Variants in ANKRD30B observed in about 807,000 individuals in gnomAD.
The protein encoded by ANKRD30B is ankyrin repeat domain-containing protein 30B.
Under a neutral mutation model 202.2 loss-of-function variants are expected in ANKRD30B, and 144 were observed. The ratio of observed to expected loss-of-function variants is 0.71; its 90% confidence interval spans 0.62 to 0.82. The LOEUF (loss-of-function observed/expected upper bound fraction) is 0.82. Ranked by LOEUF, ANKRD30B falls within the 40% of genes least tolerant of loss-of-function variation. The probability of loss-of-function intolerance (pLI) is 0.00; values close to 1 mark genes in which losing one functional copy is unlikely to be tolerated. For synonymous variants in ANKRD30B, 508 were observed against 561.3 expected (o/e 0.91, Z 1.34); for missense variants, 1,487 against 1,669.1 (o/e 0.89, Z 1.90).
At chr18:14,933,468 G>A in the ANKRD30B span, among the ~76,000 whole-genome samples, 1 of 152,116 alleles carries the variant, frequency 6.6e-6, no homozygotes, top group Non-Finnish European at 1.5e-5. Flanking sequence ...AGGAAATTGG[G>A]GCCAGGTGGG....
the ANKRD30B span, among the ~76,000 whole-genome samples, chr18:14,869,315 A>C: frequency 6.6e-6 from 1 of 151,666 alleles, no homozygotes; most frequent in East Asian, 2.0e-4. Context: ...ACCTTCCAGC[A>C]TTCTCCTTTC....
chr18:14,939,069 A>G, the ANKRD30B span, among the ~76,000 whole-genome samples: 1 of 152,220 alleles, frequency 6.6e-6, no homozygotes, highest in Non-Finnish European at 1.5e-5. Flanking sequence ...TTTTGAATCC[A>G]TCTTACTCAT....
the ANKRD30B span, among the ~76,000 whole-genome samples, chr18:14,919,801 A>C: frequency 5.3e-5 from 8 of 152,226 alleles, no homozygotes; most frequent in African/African-American, 1.9e-4. Context: ...CTGTATGAAG[A>C]GTGCCACATA....
At chr18:14,933,409 C>A in the ANKRD30B span, among the ~76,000 whole-genome samples, 2 of 152,092 alleles carry the variant, frequency 1.3e-5, no homozygotes, top group African/African-American at 2.4e-5. Context: ...GGGGTGGGTG[C>A]CTTGGGTTCT....
intron 23 of ANKRD30B, 119 bp from the exon 24 acceptor site, chr18:14,803,615 C>T (rs770449624): frequency 6.6e-5 from 85 of 1,291,692 alleles, no homozygotes; most frequent in African/African-American, 4.4e-5. Context: ...GCTCTTAAGT[C>T]GAATTCCTTG....
chr18:14,907,072 G>A, the ANKRD30B span, among the ~76,000 whole-genome samples: 78,319 of 151,874 alleles, frequency 0.52, 20,443 homozygotes, highest in African/African-American at 0.54. Flanking sequence ...TGAAGATGAA[G>A]GCTTCAGGCA....
At chr18:14,756,484 C>T (rs889800881) in intron 4 of ANKRD30B, among the ~76,000 whole-genome samples, 1 of 152,174 alleles carries the variant, frequency 6.6e-6, no homozygotes, top group Non-Finnish European at 1.5e-5. Flanking sequence ...TTGCCCATGC[C>T]TATGTCCTGA....
At chr18:14,820,220 G>A (rs1970342113) in intron 30 of ANKRD30B, among the ~76,000 whole-genome samples, 1 of 152,194 alleles carries the variant, frequency 6.6e-6, no homozygotes, top group African/African-American at 2.4e-5. Flanking sequence ...TTTGTATCCT[G>A]AGACTTTGCT....
At chr18:14,767,527 T>G (rs996679141) in intron 7 of ANKRD30B, among the ~76,000 whole-genome samples, 1 of 152,166 alleles carries the variant, frequency 6.6e-6, no homozygotes, top group Non-Finnish European at 1.5e-5. Flanking sequence ...TGTGAGATGA[T>G]ATAATGCCTA....
At chr18:14,893,201 C>T in the ANKRD30B span, among the ~76,000 whole-genome samples, 1 of 152,004 alleles carries the variant, frequency 6.6e-6, no homozygotes, top group Non-Finnish European at 1.5e-5. Context: ...CCATATCCTA[C>T]GACCCTCTTT....
the ANKRD30B span, among the ~76,000 whole-genome samples, chr18:14,863,193 T>A: frequency 4.6e-5 from 7 of 152,146 alleles, no homozygotes; most frequent in African/African-American, 1.7e-4. Context: ...AGGTGTGAAA[T>A]GACATTGTTT....
chr18:14,788,529 T>A (rs1380146688), intron 15 of ANKRD30B, among the ~76,000 whole-genome samples: 5 of 152,160 alleles, frequency 3.3e-5, no homozygotes, highest in Non-Finnish European at 5.9e-5. Context: ...TATCTCCTAA[T>A]GCTATCCCTC....
Position 14,748,236 on chromosome 18 carries a change from T to C in ANKRD30B, c.-184T>C, listed in dbSNP as rs1042053981. On this transcript the variant is annotated 5_prime_UTR_variant, in exon 1 of 44. Coordinates refer to ENST00000690538, the MANE Select transcript of ANKRD30B (RefSeq NM_001367607.2). ...GAATTTCTCCCGACAGAGGCCGGAGTGTTCAAGAGCTTGGCGATACAGAAA... is the reference window on the plus strand; with the variant it reads ...GAATTTCTCCCGACAGAGGCCGGAGCGTTCAAGAGCTTGGCGATACAGAAA... The C allele has an allele frequency of 1.4e-5, 7 of 503,768 alleles. No individual in the cohort carries two copies. The highest frequency in any genetic ancestry group is 1.7e-5 in the Non-Finnish European group (5 of 287,582). 31.2% of individuals were successfully genotyped at this position (503,768 alleles called of 1,614,324 possible).
rs1913732810 is a variant in ANKRD30B, at chr18:14,753,095, A to G, written c.510+83A>G. 5.6e-6 allele frequency: 6 copies of G among 1,077,080 alleles called. No individual in the cohort carries two copies. In the East Asian group the frequency reaches 1.3e-4, roughly 24 times the overall value. 66.7% of individuals were successfully genotyped at this position (1,077,080 alleles called of 1,614,324 possible). A position where few individuals can be genotyped will look rare whatever the true frequency, so the allele number is the denominator to read the frequency against. On this transcript the variant is annotated intron_variant, in intron 3 of 43. Coordinates refer to ENST00000690538, the MANE Select transcript of ANKRD30B (RefSeq NM_001367607.2). Reference sequence around the variant, plus strand: ...ACATATGTAAGGCTTTTATATTTGGAAACACAAACATTCCTTGAGTGAAAA... The same window carrying G: ...ACATATGTAAGGCTTTTATATTTGGGAACACAAACATTCCTTGAGTGAAAA...
the ANKRD30B span, among the ~76,000 whole-genome samples, chr18:14,904,970 C>T: frequency 0.015 from 2,319 of 152,266 alleles, 72 homozygotes; most frequent in African/African-American, 0.054. Flanking sequence ...GCAGGTCATG[C>T]AGACCTTGCT....
chr18:14,821,682 T>C (rs1970430055), intron 30 of ANKRD30B, among the ~76,000 whole-genome samples: 1 of 152,176 alleles, frequency 6.6e-6, no homozygotes, highest in Non-Finnish European at 1.5e-5. Flanking sequence ...GCTTTGGAAC[T>C]CCTGGACTCG....
rs1968023587 is a variant in ANKRD30B, at chr18:14,785,514, C to G, written c.1672+979C>G. Among the ~76,000 whole-genome samples, 9 of 152,120 alleles carry G rather than the reference C, an allele frequency of 5.9e-5. No individual in the cohort carries two copies. The South Asian group carries it at 1.9e-3, about 31-fold the overall frequency. On this transcript the variant is annotated intron_variant, in intron 14 of 43. Coordinates refer to ENST00000690538, the MANE Select transcript of ANKRD30B (RefSeq NM_001367607.2). ...GTCTTTAAAAAGTTAGTTTTATGTG[C>G]TAATTTTTTAGTTATTAGAAATTAA...
chr18:14,805,185 T>C (rs1446244563), intron 24 of ANKRD30B, among the ~76,000 whole-genome samples: 1 of 150,928 alleles, frequency 6.6e-6, no homozygotes. Flanking sequence ...TGCCATTTTA[T>C]AAAACCTCAT....
At chr18:14,827,338 C>A (rs1970709651) in intron 32 of ANKRD30B, among the ~76,000 whole-genome samples, 1 of 152,112 alleles carries the variant, frequency 6.6e-6, no homozygotes, top group South Asian at 2.1e-4. Context: ...TTCTGGAATT[C>A]CACATTTAAT....
Sources: allele counts gnomAD v4.1 joint callset (sites outside exome capture counted in the v4.1 genomes callset), GRCh38; gene constraint gnomAD v4.1.1; transcripts MANE v1.5; gene names NCBI Gene and HGNC (gene_info 2026-07-23, HGNC 2026-07-21).